Variants in SFMBT1 observed in about 807,000 individuals in gnomAD.
SFMBT1 encodes scm-like with four MBT domains protein 1.
In SFMBT1, 32 loss-of-function variants were observed where a neutral mutation model predicts 108.7. The observed-to-expected ratio is 0.29, with a 90% CI of 0.22 to 0.40. The LOEUF (loss-of-function observed/expected upper bound fraction) is 0.40, where lower values mean the gene tolerates loss of function less well. SFMBT1 is among the 10% of genes least tolerant of loss of function. The pLI is 1.00. For missense variants in SFMBT1, 816 were observed against 1,059.6 expected (o/e 0.77, Z 3.19); for synonymous variants, 348 against 369.5 (o/e 0.94, Z 0.67).
intron 1 of SFMBT1, among the ~76,000 whole-genome samples, chr3:53,043,838 T>C (rs1338548729): frequency 6.6e-6 from 1 of 152,238 alleles, no homozygotes; most frequent in African/African-American, 2.4e-5. Flanking sequence ...CAAGTTTACA[T>C]ACAAGCTATC....
intron 1 of SFMBT1, among the ~76,000 whole-genome samples, chr3:53,004,801 A>G (rs1698683642): frequency 7.5e-6 from 1 of 133,824 alleles, no homozygotes; most frequent in African/African-American, 2.5e-5. Flanking sequence ...CAGCCAACAC[A>G]CACATGTGCT....
intron 3 of SFMBT1, among the ~76,000 whole-genome samples, chr3:52,952,323 T>C (rs1703623482): frequency 6.6e-6 from 1 of 152,186 alleles, no homozygotes; most frequent in Non-Finnish European, 1.5e-5. Flanking sequence ...ATGGTTTATA[T>C]TCACAGACAA....
chr3:52,991,342 CTTT>C (rs71087045), intron 1 of SFMBT1, among the ~76,000 whole-genome samples: 5 of 91,208 alleles, frequency 5.5e-5, no homozygotes, highest in Non-Finnish European at 1.1e-4. Context: ...GCTGAAACTT[CTTT>C]TTTTTTTTTT....
chr3:52,907,858 T>C (rs941312666), intron 17 of SFMBT1, 125 bp from the exon 18 acceptor site: 9 of 845,286 alleles, frequency 1.1e-5, no homozygotes, highest in South Asian at 1.8e-5. Flanking sequence ...TTAAATTCCA[T>C]AGAGTGGAAT....
chr3:52,946,907 G>A (rs1703386351), intron 3 of SFMBT1, among the ~76,000 whole-genome samples: 1 of 151,744 alleles, frequency 6.6e-6, no homozygotes, highest in South Asian at 2.1e-4. Context: ...AAGTAGCTGG[G>A]ACCACAGGCA....
chr3:52,985,946 C>T (rs1361123316), intron 1 of SFMBT1, among the ~76,000 whole-genome samples: 1 of 152,054 alleles, frequency 6.6e-6, no homozygotes, highest in African/African-American at 2.4e-5. Context: ...AGTTTGAGAC[C>T]AGCCTGGCCA....
At chr3:52,985,018 C>T (rs947729254) in intron 1 of SFMBT1, among the ~76,000 whole-genome samples, 1 of 152,028 alleles carries the variant, frequency 6.6e-6, no homozygotes, top group African/African-American at 2.4e-5. Context: ...ATTCTTTATC[C>T]TTATATTATC....
chr3:53,043,518 A>C (rs970232332), intron 1 of SFMBT1, among the ~76,000 whole-genome samples: 2 of 152,232 alleles, frequency 1.3e-5, no homozygotes, highest in African/African-American at 4.8e-5. Context: ...TCTAGGCATT[A>C]AGAAACTGAT....
intron 1 of SFMBT1, among the ~76,000 whole-genome samples, chr3:52,983,144 C>G (rs965063393): frequency 2.6e-5 from 4 of 152,164 alleles, no homozygotes; most frequent in African/African-American, 9.6e-5. Flanking sequence ...CCACCTGTGG[C>G]ACCCTAAGAC....
chr3:52,935,953 T>C (rs537245568), intron 4 of SFMBT1, among the ~76,000 whole-genome samples: 15 of 152,314 alleles, frequency 9.8e-5, no homozygotes, highest in African/African-American at 3.1e-4. Context: ...TGGTGACCAG[T>C]TGTTCTACTG....
chr3:52,943,812 T>C (rs1703272042), intron 3 of SFMBT1, among the ~76,000 whole-genome samples: 1 of 152,190 alleles, frequency 6.6e-6, no homozygotes, highest in African/African-American at 2.4e-5. Context: ...GAACTCAATA[T>C]TTTCACCAAA....
chr3:52,930,908 G>A (rs1473003972), intron 7 of SFMBT1, 33 bp downstream of exon 7: 3 of 1,573,848 alleles, frequency 1.9e-6, no homozygotes, highest in Non-Finnish European at 2.6e-6. Flanking sequence ...TGTAAGGGGA[G>A]CAATACCGGT....
At chr3:52,966,624 C>CAA (rs35044878) in intron 2 of SFMBT1, among the ~76,000 whole-genome samples, 866 of 46,918 alleles carry the variant, frequency 0.018, 44 homozygotes, top group Admixed American at 0.047. Context: ...GACTCAGTCT[C>CAA]AAAAAAAAAA....
At chr3:52,941,622 T>C (rs1703187849) in intron 4 of SFMBT1, among the ~76,000 whole-genome samples, 1 of 119,786 alleles carries the variant, frequency 8.3e-6, no homozygotes, top group South Asian at 2.7e-4. Flanking sequence ...AAAAAAGTTA[T>C]TGGGCCAGGT....
chr3:52,949,247 T>G, intron 3 of SFMBT1, among the ~76,000 whole-genome samples: 1 of 152,182 alleles, frequency 6.6e-6, no homozygotes, highest in East Asian at 1.9e-4. Flanking sequence ...TCTATCTTTG[T>G]GAATGTTCCA....
At chr3:52,995,648 C>T (rs958998208) in intron 1 of SFMBT1, among the ~76,000 whole-genome samples, 1 of 150,170 alleles carries the variant, frequency 6.7e-6, no homozygotes, top group African/African-American at 2.4e-5. Context: ...GATCCTTCTG[C>T]CTCAGCCTCC....
chr3:52,930,299 T>C, intron 8 of SFMBT1, 30 bp downstream of exon 8: 1 of 1,347,080 alleles, frequency 7.4e-7, no homozygotes, highest in Non-Finnish European at 1.1e-6. Flanking sequence ...TTGACAGGGA[T>C]TCTTACCAAG....
intron 8 of SFMBT1, among the ~76,000 whole-genome samples, chr3:52,929,986 C>T (rs779625405): frequency 3.9e-5 from 6 of 152,200 alleles, no homozygotes; most frequent in Admixed American, 1.3e-4. Context: ...TCTGGTTAGA[C>T]GTTGATGAGA....
chr3:53,004,933 G>A (rs904015480), intron 1 of SFMBT1, among the ~76,000 whole-genome samples: 6 of 152,196 alleles, frequency 3.9e-5, no homozygotes, highest in South Asian at 2.1e-4. Context: ...TAGAGGAGAC[G>A]TAAGTCAGAT....
Sources: allele counts gnomAD v4.1 joint callset (sites outside exome capture counted in the v4.1 genomes callset), GRCh38; gene constraint gnomAD v4.1.1; transcripts MANE v1.5; gene names NCBI Gene and HGNC (gene_info 2026-07-23, HGNC 2026-07-21).